THOC2: variants seen among roughly 807,000 people sequenced by gnomAD.
THOC2 encodes THO complex subunit 2.
THOC2 carries 10 observed loss-of-function variants against 128.4 expected under a neutral mutation model. The observed-to-expected ratio is 0.08, with a 90% CI of 0.05 to 0.13. The LOEUF is 0.13. Among genes scored for constraint, THOC2 ranks in the 10% least tolerant of loss-of-function variants. THOC2 has a pLI of 1.00. For synonymous variants in THOC2, 393 were observed against 396.9 expected (o/e 0.99, Z 0.12); for missense variants, 535 against 1,155.7 (o/e 0.46, Z 7.79).
At chrX:123,681,737 G>C (rs1460535229) in intron 8 of THOC2, among the ~76,000 whole-genome samples, 1 of 111,956 alleles carries the variant, frequency 8.9e-6, no homozygotes, top group Non-Finnish European at 1.9e-5. Context: ...GAACATACCA[G>C]GTGTAAAATG....
rs770941379 is a variant in THOC2 at position 123,733,011 on chromosome X, C to A, written c.12G>T (p.Ala4=). MAA[A]AVVVPAEWIK... is the part of the protein sequence containing the mutation. ...TCCACTCTGCGGGAACCACCACAGC[C>A]GCGGCCGCCATCTTCCTCTCACTAG... The change falls in exon 1 of 39, where the codon GCG becomes GCT. Residue 4 remains alanine (A), a synonymous_variant. Transcript: ENST00000245838. The A allele has an allele frequency of 2.5e-6, 3 of 1,211,828 alleles. No individual in the cohort carries two copies. The highest frequency in any genetic ancestry group is 3.0e-5 in the East Asian group (1 of 33,832).
intron 38 of THOC2, among the ~76,000 whole-genome samples, chrX:123,606,099 AAAAC>A (rs1457762981): frequency 9.0e-6 from 1 of 110,783 alleles, no homozygotes; most frequent in Non-Finnish European, 1.9e-5. Context: ...CTGATTTTTA[AAAAC>A]AAACAGATTT....
Position 123,686,530 on chromosome X carries a change from A to G in THOC2, c.768+18T>C. ...GAAATCAATCTCTAAATATACATAC[A>G]TACACGTTTTTCTTTACCTGGTAAA... is the stretch of plus-strand genomic sequence containing the variant. On this transcript the variant is annotated intron_variant, in intron 8 of 38. Coordinates refer to ENST00000245838, the MANE Select transcript of THOC2 (RefSeq NM_001081550.2). 2 of 1,161,028 alleles carry G rather than the reference A, an allele frequency of 1.7e-6. No individual in the cohort carries two copies. Among genetic ancestry groups the G allele is most frequent in the Non-Finnish European group, 2.3e-6 (2 of 860,251 alleles).
rs1162758422 is a variant in THOC2, at chrX:123,639,002, T to A, written c.1772A>T (p.Asp591Val). Residue 591 changes from aspartate (D) to valine (V), a missense_variant, in exon 17 of 39, where the codon GAT (aspartate) becomes GTT (valine). Physicochemically the swap from Asp to Val is radical, Grantham distance 152 (BLOSUM62 -3). Coordinates refer to ENST00000245838, the MANE Select transcript of THOC2 (RefSeq NM_001081550.2). ...DYILSQIQKYDNLITPVVDSL... is the reference protein window; with the variant it reads ...DYILSQIQKYVNLITPVVDSL... ...ATCTACTACAGGTGTTATTAAGTTA[T>A]CATACTTCTGTATTTGTGACAAGAT... is the stretch of plus-strand genomic sequence containing the variant. 2 of 1,170,769 alleles carry A rather than the reference T, an allele frequency of 1.7e-6. No homozygotes were observed.
Position 123,665,513 on chromosome X carries a change from C to A in THOC2, c.1386+129G>T, listed in dbSNP as rs140709515. On this transcript the variant is annotated intron_variant, in intron 12 of 38. Transcript: ENST00000245838. ...GGTTAGGACACACTGGAATTTTCCA[C>A]AAACCTCACTCAACATAACCCTTTA... is the stretch of plus-strand genomic sequence containing the variant. 537 of 448,239 alleles carry A rather than the reference C, an allele frequency of 1.2e-3. 2 individuals carry two copies. Among genetic ancestry groups the A allele is most frequent in the African/African-American group, 0.012 (476 of 40,390 alleles). 36.9% of individuals were successfully genotyped at this position (448,239 alleles called of 1,213,427 possible). A position where few individuals can be genotyped will look rare whatever the true frequency, so the allele number is the denominator to read the frequency against.
chrX:123,664,374 G>C (rs770534460), intron 12 of THOC2, among the ~76,000 whole-genome samples: 12 of 112,357 alleles, frequency 1.1e-4, no homozygotes, highest in Non-Finnish European at 1.3e-4. Flanking sequence ...ACTAACTAAA[G>C]AGCTTCTGCA....
intron 12 of THOC2, among the ~76,000 whole-genome samples, chrX:123,657,489 T>C (rs1248120211): frequency 9.1e-6 from 1 of 110,389 alleles, no homozygotes; most frequent in Non-Finnish European, 1.9e-5. Flanking sequence ...TATCATGTTA[T>C]AACTACAGAA....
intron 21 of THOC2, 133 bp downstream of exon 21, chrX:123,632,728 A>G (rs1451803357): frequency 6.1e-6 from 3 of 491,405 alleles, no homozygotes; most frequent in Non-Finnish European, 9.9e-6. Flanking sequence ...CCCTATTTCC[A>G]GAATGTCTTT....
intron 2 of THOC2, among the ~76,000 whole-genome samples, chrX:123,710,944 C>T (rs746863489): frequency 6.0e-5 from 6 of 100,706 alleles, no homozygotes; most frequent in African/African-American, 7.2e-5. Context: ...GAGCCAAGAT[C>T]GCGCCATTGC....
At chrX:123,718,235 C>T (rs1221147658) in intron 1 of THOC2, among the ~76,000 whole-genome samples, 1 of 111,813 alleles carries the variant, frequency 8.9e-6, no homozygotes, top group South Asian at 3.7e-4. Context: ...AACTTAATAT[C>T]CACATACAGA....
At chrX:123,639,483 C>T (rs1477482811) in intron 16 of THOC2, among the ~76,000 whole-genome samples, 1 of 111,834 alleles carries the variant, frequency 8.9e-6, no homozygotes, top group Admixed American at 9.5e-5. Flanking sequence ...AGATGTATCT[C>T]TTGGTACTTT....
intron 12 of THOC2, among the ~76,000 whole-genome samples, chrX:123,664,098 TAGC>T (rs2048958002): frequency 8.9e-6 from 1 of 112,325 alleles, no homozygotes; most frequent in South Asian, 3.7e-4. Flanking sequence ...TGTGTCTTTA[TAGC>T]AGCATGATTT....
chrX:123,640,896 A>G (rs1010199423), intron 15 of THOC2, among the ~76,000 whole-genome samples: 2 of 111,855 alleles, frequency 1.8e-5, no homozygotes, highest in African/African-American at 6.5e-5. Flanking sequence ...ATAATCAGTA[A>G]AACTCTTAAT....
At chrX:123,732,240 T>G (rs1331949845) in intron 1 of THOC2, among the ~76,000 whole-genome samples, 1 of 112,051 alleles carries the variant, frequency 8.9e-6, no homozygotes, top group Non-Finnish European at 1.9e-5. Context: ...TAGGGAACAT[T>G]TAATGACGAA....
intron 8 of THOC2, among the ~76,000 whole-genome samples, chrX:123,673,725 TCA>T (rs759445732): frequency 8.9e-6 from 1 of 112,430 alleles, no homozygotes; most frequent in East Asian, 2.8e-4. Flanking sequence ...ACCGTGGTGC[TCA>T]CACAGAGCCT....
intron 7 of THOC2, among the ~76,000 whole-genome samples, chrX:123,689,113 A>C (rs2050121587): frequency 8.9e-6 from 1 of 112,483 alleles, no homozygotes; most frequent in African/African-American, 3.2e-5. Context: ...ATTGCTTTTA[A>C]GTTTACATTT....
At chrX:123,682,275 A>T (rs970403416) in intron 8 of THOC2, among the ~76,000 whole-genome samples, 3 of 112,116 alleles carry the variant, frequency 2.7e-5, no homozygotes, top group Non-Finnish European at 3.8e-5. Context: ...AGAGAAACAA[A>T]ATGTAAAGCT....
intron 7 of THOC2, 126 bp downstream of exon 7, chrX:123,695,895 C>T (rs1045638821): frequency 4.8e-5 from 20 of 414,067 alleles, no homozygotes; most frequent in Non-Finnish European, 7.7e-5. Context: ...AGCTAAACAC[C>T]TCTCCCATTC....
Position 123,703,510 on chromosome X carries a change from T to C in THOC2, c.223-5A>G. On this transcript the variant is annotated splice_polypyrimidine_tract_variant and splice_region_variant and intron_variant, in intron 3 of 38. Coordinates refer to ENST00000245838, the MANE Select transcript of THOC2 (RefSeq NM_001081550.2). The stretch of plus-strand genomic sequence containing the variant: ...GGGCATATCCTCACGAAATTCCTAA[T>C]TTTAAAAATATAATTACAATAAATA... 1 of 1,125,748 alleles carries C rather than the reference T, an allele frequency of 8.9e-7. No homozygotes were observed. Among genetic ancestry groups the C allele is most frequent in the Non-Finnish European group, 1.2e-6 (1 of 821,630 alleles). The allele number at this position is 1,125,748 out of a possible 1,213,427, so 92.8% of individuals were successfully genotyped here.
Sources: allele counts gnomAD v4.1 joint callset (sites outside exome capture counted in the v4.1 genomes callset), GRCh38; gene constraint gnomAD v4.1.1; transcripts MANE v1.5; gene names NCBI Gene and HGNC (gene_info 2026-07-23, HGNC 2026-07-21).